PSAT1: variants seen among roughly 807,000 people sequenced by gnomAD.
The protein encoded by PSAT1 is phosphoserine aminotransferase 1.
In PSAT1, 41 loss-of-function variants were observed where a neutral mutation model predicts 40.3. That is an observed-to-expected ratio of 1.02 (90% CI 0.79 to 1.32). The LOEUF (loss-of-function observed/expected upper bound fraction) is 1.32, where lower values mean the gene tolerates loss of function less well. PSAT1 is among the 40% of genes most tolerant of loss of function. The pLI, the probability that PSAT1 is intolerant of heterozygous loss-of-function variation, is 0.00. For missense variants in PSAT1, 406 were observed against 455.8 expected (o/e 0.89, Z 0.99); for synonymous variants, 147 against 170.5 (o/e 0.86, Z 1.07).
At chr9:78,320,218 C>T (rs1033614570) in intron 7 of PSAT1, among the ~76,000 whole-genome samples, 29 of 151,574 alleles carry the variant, frequency 1.9e-4, no homozygotes, top group African/African-American at 6.8e-4. Flanking sequence ...TCCACCCGCC[C>T]ATTCATTCAC....
chr9:78,326,955 A>ATATATTTTTTTTTTTTT lies in PSAT1; in HGVS notation c.870-1095_870-1094insATATTTTTTTTTTTTTT. Among the ~76,000 whole-genome samples the ATATATTTTTTTTTTTTT allele has an allele frequency of 5.7e-4, 43 of 75,920 alleles. 1 individual carries two copies. The East Asian group carries it at 0.013, about 22-fold the overall frequency. The allele number at this position is 75,920 out of a possible 152,430, so 49.8% of individuals were successfully genotyped here. ...CAGCAATATATATATATATATATATATTTTTTTTTTTTTTTTTTGAGACAG... is the reference window on the plus strand; with the variant it reads ...CAGCAATATATATATATATATATATATATATTTTTTTTTTTTTTTTTTTTTTTTTTTTTTTGAGACAG... On this transcript the variant is annotated intron_variant, in intron 7 of 8. Coordinates refer to ENST00000376588, the MANE Select transcript of PSAT1 (RefSeq NM_058179.4).
At chr9:78,326,955 A>ATAT in intron 7 of PSAT1, among the ~76,000 whole-genome samples, 3,595 of 75,960 alleles carry the variant, frequency 0.047, 165 homozygotes, top group East Asian at 0.11. Flanking sequence ...ATATATATAT[A>ATAT]TTTTTTTTTT....
In PSAT1 at chr9:78,306,341, T is replaced by A. The variant is rs144858494; in HGVS notation, c.425T>A (p.Leu142His). 1 of 1,612,456 alleles carries A rather than the reference T, an allele frequency of 6.2e-7. No individual in the cohort carries two copies. The highest frequency in any genetic ancestry group is 1.3e-5 in the African/African-American group (1 of 74,976). The change falls in exon 5 of 9, where the codon CTC (leucine) becomes CAC (histidine). Residue 142 changes from leucine (L) to histidine (H), a missense_variant. Leu to His is a moderately conservative substitution (Grantham distance 99, BLOSUM62 -3). Transcript: ENST00000376588. ...ATTCCAGATCCAAGCACCTGGAACC[T>A]CAACCCAGATGCCTCCTACGTGTAT... ...TKIPDPSTWN[L>H]NPDASYVYYC... is the part of the protein sequence containing the mutation.
At position 78,317,721 on chromosome 9, in the gene PSAT1, A is replaced by C; in HGVS notation, c.786A>C (p.Gly262=). ...GLVLEWIKNN[G]GAAAMEKLSS... ...TTCTGGAGTGGATTAAAAACAATGGAGGTGCCGCGGCCATGGAGAAGCTTA... is the reference window on the plus strand; with the variant it reads ...TTCTGGAGTGGATTAAAAACAATGGCGGTGCCGCGGCCATGGAGAAGCTTA... The change falls in exon 7 of 9, where the codon GGA becomes GGC. Residue 262 remains glycine, a synonymous_variant. Transcript: ENST00000376588. 1.2e-6 allele frequency: 2 copies of C among 1,613,826 alleles called. No individual in the cohort carries two copies. The highest frequency in any genetic ancestry group is 1.7e-6 in the Non-Finnish European group (2 of 1,179,816).
At position 78,303,448 on chromosome 9, in the gene PSAT1, G is replaced by A. The variant is rs1187072019; in HGVS notation, c.192-1287G>A. On this transcript the variant is annotated intron_variant, in intron 3 of 8. Transcript: ENST00000376588. ...GACCACATGGCTATGAACTTCCTCT[G>A]ACTGGGGTCCCAGTTCAATTTAAGG... Among the ~76,000 whole-genome samples, 5 of 152,276 alleles carry A rather than the reference G, an allele frequency of 3.3e-5. No homozygotes were observed. In the East Asian group the frequency reaches 9.7e-4, roughly 29 times the overall value.
chr9:78,307,120 G>A (rs1828195889), intron 5 of PSAT1, among the ~76,000 whole-genome samples: 1 of 152,110 alleles, frequency 6.6e-6, no homozygotes, highest in African/African-American at 2.4e-5. Flanking sequence ...ACATTGTTGT[G>A]CAGGCATCAC....
intron 7 of PSAT1, among the ~76,000 whole-genome samples, chr9:78,319,708 G>T (rs999866697): frequency 6.6e-6 from 1 of 152,192 alleles, no homozygotes; most frequent in Non-Finnish European, 1.5e-5. Context: ...TTTTGCATGA[G>T]CTTATTATGA....
intron 1 of PSAT1, 70 bp downstream of exon 1, chr9:78,297,340 C>T: frequency 6.6e-7 from 1 of 1,512,034 alleles, no homozygotes; most frequent in Non-Finnish European, 8.9e-7. Context: ...GGTTTGCATC[C>T]CTGCGTGTGG....
chr9:78,306,574 G>C, intron 5 of PSAT1, 88 bp downstream of exon 5: 1 of 1,521,796 alleles, frequency 6.6e-7, no homozygotes, highest in South Asian at 1.1e-5. Context: ...GAAGAACCAT[G>C]GGTGTTTGAG....
chr9:78,308,770 A>G (rs191393507), intron 6 of PSAT1, among the ~76,000 whole-genome samples, 187 bp downstream of exon 6: 2 of 152,292 alleles, frequency 1.3e-5, no homozygotes, highest in Admixed American at 1.3e-4. Context: ...AGCCTGACCA[A>G]CATGGTGAAA....
intron 3 of PSAT1, 25 bp from the exon 4 acceptor site, chr9:78,304,710 G>A: frequency 3.8e-6 from 6 of 1,587,774 alleles, no homozygotes; most frequent in Non-Finnish European, 5.2e-6. Flanking sequence ...TTTATGTATT[G>A]ACTGTTACCT....
At chr9:78,298,447 T>C (rs895126089) in intron 1 of PSAT1, 60 of 984,856 alleles carry the variant, frequency 6.1e-5, no homozygotes, top group Non-Finnish European at 6.5e-5. Flanking sequence ...CTTACTTTTC[T>C]AGGGGCAGCG....
At position 78,329,569 on chromosome 9, in the gene PSAT1, G is replaced by C. The variant is rs1037337607; in HGVS notation, c.*483G>C. ...GAGTGGTTTAAGAGTGCCAGGCGAA[G>C]GGCAAACTGTAGATCGATCTTTATG... On this transcript the variant is annotated 3_prime_UTR_variant, in exon 9 of 9. Coordinates refer to ENST00000376588, the MANE Select transcript of PSAT1 (RefSeq NM_058179.4). 1 of 177,738 alleles carries C rather than the reference G, an allele frequency of 5.6e-6. No homozygotes were observed. The highest frequency in any genetic ancestry group is 1.2e-5 in the Non-Finnish European group (1 of 83,236). The allele number at this position is 177,738 out of a possible 1,614,324, so 11.0% of individuals were successfully genotyped here.
intron 7 of PSAT1, among the ~76,000 whole-genome samples, chr9:78,326,934 A>AAT (rs1210919066): frequency 0.013 from 1,353 of 104,308 alleles, 46 homozygotes; most frequent in Middle Eastern, 0.029. Flanking sequence ...AAGTGACAGC[A>AAT]ATATATATAT....
intron 1 of PSAT1, chr9:78,298,261 G>A: frequency 1.0e-6 from 1 of 983,454 alleles, no homozygotes; most frequent in South Asian, 4.8e-5. Context: ...TGCCGCCGCC[G>A]TTAGATTTTT....
rs1382096879 is a variant in PSAT1 at position 78,328,104 on chromosome 9, G to A, written c.923G>A (p.Gly308Asp). Reference sequence around the variant, plus strand: ...AAGATGAATATTCCATTCCGCATTGGCAATGCCAAAGGAGATGATGCTTTA... The same window carrying A: ...AAGATGAATATTCCATTCCGCATTGACAATGCCAAAGGAGATGATGCTTTA... ...RSKMNIPFRIGNAKGDDALEK... is the reference protein window; with the variant it reads ...RSKMNIPFRIDNAKGDDALEK... The change falls in exon 8 of 9, where the codon GGC (glycine) becomes GAC (aspartate). Residue 308 changes from glycine (G) to aspartate (D), a missense_variant. By Grantham distance (94) the Gly-to-Asp change is moderately conservative. Transcript: ENST00000376588. The A allele has an allele frequency of 2.5e-6, 4 of 1,611,800 alleles. No homozygotes were observed. The highest frequency in any genetic ancestry group is 2.2e-5 in the South Asian group (2 of 90,994).
chr9:78,319,935 T>A (rs1828402148), intron 7 of PSAT1, among the ~76,000 whole-genome samples: 1 of 152,088 alleles, frequency 6.6e-6, no homozygotes, highest in Non-Finnish European at 1.5e-5. Context: ...CATTCATTCA[T>A]CTACTCACCC....
At chr9:78,315,523 C>T (rs7858423) in intron 6 of PSAT1, among the ~76,000 whole-genome samples, 15,045 of 152,298 alleles carry the variant, frequency 0.099, 903 homozygotes, top group Non-Finnish European at 0.13. Flanking sequence ...ACCGCTGAGG[C>T]TGTGGATATT....
rs1828182814 is a variant in PSAT1, at chr9:78,306,350, A to G, written c.434A>G (p.Asp145Gly). 15 of 1,612,538 alleles carry G rather than the reference A, an allele frequency of 9.3e-6. No homozygotes were observed. The highest frequency in any genetic ancestry group is 1.7e-5 in the Admixed American group (1 of 59,996). ...CCAAGCACCTGGAACCTCAACCCAGATGCCTCCTACGTGTATTATTGCGCA... is the reference window on the plus strand; with the variant it reads ...CCAAGCACCTGGAACCTCAACCCAGGTGCCTCCTACGTGTATTATTGCGCA... ...PDPSTWNLNP[D>G]ASYVYYCANE... is the part of the protein sequence containing the mutation. Residue 145 changes from aspartate (D) to glycine (G), a missense_variant, in exon 5 of 9, where the codon GAT becomes GGT. Asp to Gly is a moderately conservative substitution (Grantham distance 94). Transcript: ENST00000376588.
Sources: allele counts gnomAD v4.1 joint callset (sites outside exome capture counted in the v4.1 genomes callset), GRCh38; gene constraint gnomAD v4.1.1; transcripts MANE v1.5; gene names NCBI Gene and HGNC (gene_info 2026-07-23, HGNC 2026-07-21).